Variants in NLGN4X observed in about 807,000 individuals in gnomAD.
The protein encoded by NLGN4X is neuroligin 4 X-linked, also known as neuroligin-4, X-linked.
NLGN4X carries 3 observed loss-of-function variants against 40.3 expected under a neutral mutation model. That is an observed-to-expected ratio of 0.07 (90% confidence interval 0.03 to 0.19). The LOEUF (loss-of-function observed/expected upper bound fraction) is 0.19. NLGN4X is among the 10% of genes least tolerant of loss of function. NLGN4X has a pLI of 1.00. For missense variants in NLGN4X, 382 were observed against 708.3 expected (o/e 0.54, Z 5.23); for synonymous variants, 270 against 306.8 (o/e 0.88, Z 1.25).
chrX:5,902,324 G>A (rs752722540), intron 5 of NLGN4X, among the ~76,000 whole-genome samples: 1 of 110,992 alleles, frequency 9.0e-6, no homozygotes, highest in Non-Finnish European at 1.9e-5. Context: ...AGGAGTTTGA[G>A]AGAAGCCTGG....
At chrX:6,061,347 C>T (rs752228301) in intron 2 of NLGN4X, among the ~76,000 whole-genome samples, 3 of 110,192 alleles carry the variant, frequency 2.7e-5, no homozygotes, top group Non-Finnish European at 3.8e-5. Flanking sequence ...GATAACACCA[C>T]GCCTCTAGAT....
intron 1 of NLGN4X, among the ~76,000 whole-genome samples, chrX:6,162,112 G>A (rs2040412954): frequency 9.0e-6 from 1 of 111,678 alleles, no homozygotes; most frequent in Non-Finnish European, 1.9e-5. Flanking sequence ...AAGAACAACA[G>A]GCTCAAATGC....
At chrX:6,096,558 A>C (rs758856122) in intron 2 of NLGN4X, among the ~76,000 whole-genome samples, 162 of 111,940 alleles carry the variant, frequency 1.4e-3, no homozygotes, top group African/African-American at 5.1e-3. Context: ...TGAATTCACA[A>C]GTGTCCCTAG....
intron 3 of NLGN4X, among the ~76,000 whole-genome samples, chrX:6,018,873 T>G (rs921337113): frequency 8.0e-5 from 9 of 112,302 alleles, no homozygotes; most frequent in African/African-American, 2.9e-4. Context: ...CCTAGCTCAT[T>G]GAAGCAATGT....
chrX:6,046,361 A>G (rs899180460), intron 2 of NLGN4X, among the ~76,000 whole-genome samples: 14 of 111,846 alleles, frequency 1.3e-4, no homozygotes, highest in African/African-American at 3.9e-4. Context: ...AGATAATTAT[A>G]GCTGGAACAA....
intron 5 of NLGN4X, among the ~76,000 whole-genome samples, chrX:5,902,308 G>C (rs1160852876): frequency 9.0e-6 from 1 of 111,072 alleles, no homozygotes; most frequent in Non-Finnish European, 1.9e-5. Flanking sequence ...AGGATCCCTT[G>C]AGCCCAGGAG....
chrX:5,981,971 T>C (rs753749995), intron 3 of NLGN4X, among the ~76,000 whole-genome samples: 13 of 111,547 alleles, frequency 1.2e-4, no homozygotes, highest in Non-Finnish European at 2.3e-4. Flanking sequence ...AACAGGAGCA[T>C]TTTCATTAAA....
At chrX:5,912,631 C>T (rs944035378) in intron 3 of NLGN4X, among the ~76,000 whole-genome samples, 31 of 109,638 alleles carry the variant, frequency 2.8e-4, no homozygotes, top group African/African-American at 8.6e-4. Flanking sequence ...CTTACTGATA[C>T]AGAATTCTAT....
At chrX:6,054,725 T>C (rs978952002) in intron 2 of NLGN4X, among the ~76,000 whole-genome samples, 2 of 111,312 alleles carry the variant, frequency 1.8e-5, no homozygotes, top group Non-Finnish European at 3.8e-5. Context: ...TGGTGTAAAC[T>C]TGGCTCACTG....
At chrX:6,221,391 TTATATATATATATA>T (rs60897428) in intron 1 of NLGN4X, among the ~76,000 whole-genome samples, 33 of 53,345 alleles carry the variant, frequency 6.2e-4, no homozygotes, top group African/African-American at 1.7e-3. Context: ...CCTTCTTATA[TTATATATATATATA>T]TATATATATA....
chrX:5,958,154 G>A (rs191601732), intron 3 of NLGN4X, among the ~76,000 whole-genome samples: 1 of 111,668 alleles, frequency 9.0e-6, no homozygotes, highest in East Asian at 2.8e-4. Context: ...GATATTCAGG[G>A]TTTGTTGATG....
rs189990058 is a variant in NLGN4X at position 6,169,221 on chromosome X, G to A, written c.-305-17450C>T. On this transcript the variant is annotated intron_variant, in intron 1 of 5. Coordinates refer to ENST00000381095, the MANE Select transcript of NLGN4X (RefSeq NM_181332.3). Reference sequence around the variant, plus strand: ...CCTCCCAGCTGTAAATATCAGCACTGCATGGATTTGAGTTATCATCCAGGA... The same window carrying A: ...CCTCCCAGCTGTAAATATCAGCACTACATGGATTTGAGTTATCATCCAGGA... Among the ~76,000 whole-genome samples the A allele has an allele frequency of 2.0e-3, 224 of 112,354 alleles. 2 individuals carry two copies. The highest frequency in any genetic ancestry group is 6.9e-3 in the African/African-American group (214 of 31,003).
intron 1 of NLGN4X, chrX:6,226,825 GC>G (rs1926402049): frequency 1.6e-5 from 2 of 122,781 alleles, no homozygotes; most frequent in South Asian, 2.3e-4. Flanking sequence ...CCCACAGCAA[GC>G]CCCCCACCCA....
At chrX:6,003,172 C>T (rs1389542294) in intron 3 of NLGN4X, among the ~76,000 whole-genome samples, 1 of 111,525 alleles carries the variant, frequency 9.0e-6, no homozygotes, top group Non-Finnish European at 1.9e-5. Flanking sequence ...CAACGTCCAA[C>T]GACTGGGCCC....
chrX:6,023,824 A>T (rs2036613422), intron 3 of NLGN4X, among the ~76,000 whole-genome samples: 1 of 112,244 alleles, frequency 8.9e-6, no homozygotes, highest in Non-Finnish European at 1.9e-5. Context: ...CTAAACGGAA[A>T]TACATATTTA....
intron 2 of NLGN4X, among the ~76,000 whole-genome samples, chrX:6,091,375 T>C (rs1306538990): frequency 9.0e-6 from 1 of 111,478 alleles, no homozygotes; most frequent in Non-Finnish European, 1.9e-5. Flanking sequence ...ACTTGATTCA[T>C]CTGCACTGCT....
chrX:6,108,503 AAAATAAAT>A (rs756129500), intron 2 of NLGN4X, among the ~76,000 whole-genome samples: 1 of 109,904 alleles, frequency 9.1e-6, no homozygotes, highest in African/African-American at 3.3e-5. Context: ...TGTTTCTACA[AAAATAAAT>A]AAATAAATAA....
intron 3 of NLGN4X, among the ~76,000 whole-genome samples, chrX:6,008,532 G>C: frequency 9.0e-6 from 1 of 111,348 alleles, no homozygotes; most frequent in Admixed American, 9.6e-5. Flanking sequence ...ATAGAGATGG[G>C]TTTTTAAAAG....
At chrX:5,954,391 CTTTT>C (rs764108500) in intron 3 of NLGN4X, among the ~76,000 whole-genome samples, 1 of 55,838 alleles carries the variant, frequency 1.8e-5, no homozygotes, top group Admixed American at 2.4e-4. Flanking sequence ...GCTTGGCTAA[CTTTT>C]TTTTTTTTTT....
Sources: allele counts gnomAD v4.1 joint callset (sites outside exome capture counted in the v4.1 genomes callset), GRCh38; gene constraint gnomAD v4.1.1; transcripts MANE v1.5; gene names NCBI Gene and HGNC (gene_info 2026-07-23, HGNC 2026-07-21).